Variants in PPP1R9A observed in about 807,000 individuals in gnomAD.
PPP1R9A encodes the protein neurabin-1.
PPP1R9A carries 59 observed loss-of-function variants against 141.9 expected under a neutral mutation model. That is an observed-to-expected ratio of 0.42 (90% CI 0.34 to 0.52). PPP1R9A has a LOEUF of 0.52. PPP1R9A is among the 20% of genes least tolerant of loss of function. PPP1R9A has a pLI of 0.10. For missense variants in PPP1R9A, 1,444 were observed against 1,611.9 expected (o/e 0.90, Z 1.78); for synonymous variants, 500 against 569.7 (o/e 0.88, Z 1.74).
intron 5 of PPP1R9A, among the ~76,000 whole-genome samples, chr7:95,194,752 A>G (rs1179800466): frequency 6.6e-6 from 1 of 151,912 alleles, no homozygotes; most frequent in East Asian, 1.9e-4. Flanking sequence ...ACTTAGAGGT[A>G]AATTTAACAA....
At chr7:95,181,845 A>C (rs1049068946) in intron 5 of PPP1R9A, among the ~76,000 whole-genome samples, 5 of 148,892 alleles carry the variant, frequency 3.4e-5, no homozygotes, top group African/African-American at 1.2e-4. Context: ...AATACTACTC[A>C]ACCATATAAA....
chr7:95,256,772 G>C (rs1425258526), intron 12 of PPP1R9A, among the ~76,000 whole-genome samples: 1 of 151,926 alleles, frequency 6.6e-6, no homozygotes, highest in African/African-American at 2.4e-5. Context: ...GAATTAACAG[G>C]GTAGATGGAT....
At chr7:95,122,786 A>C (rs1420273050) in intron 4 of PPP1R9A, among the ~76,000 whole-genome samples, 1 of 152,182 alleles carries the variant, frequency 6.6e-6, no homozygotes, top group African/African-American at 2.4e-5. Flanking sequence ...TGCCCCTTTA[A>C]TAAATTATAT....
At chr7:95,247,722 C>A (rs1050872393) in intron 9 of PPP1R9A, among the ~76,000 whole-genome samples, 196 bp downstream of exon 9, 1 of 151,976 alleles carries the variant, frequency 6.6e-6, no homozygotes, top group Admixed American at 6.6e-5. Flanking sequence ...GTGCAAATAA[C>A]ACAATATTTT....
chr7:94,980,182 T>TAAAA (rs71292968), intron 2 of PPP1R9A, among the ~76,000 whole-genome samples: 3 of 126,160 alleles, frequency 2.4e-5, no homozygotes, highest in African/African-American at 8.9e-5. Flanking sequence ...GCTGATGAGC[T>TAAAA]AAAAAAAAAA....
chr7:95,225,440 C>T (rs766565602), intron 7 of PPP1R9A, among the ~76,000 whole-genome samples: 5 of 152,142 alleles, frequency 3.3e-5, no homozygotes, highest in Non-Finnish European at 7.4e-5. Flanking sequence ...TTCTTTAGCT[C>T]ACTAGTTCAC....
chr7:95,043,523 G>A lies in PPP1R9A; in HGVS notation c.1396-67736G>A, dbSNP rs147730427. Among the ~76,000 whole-genome samples, 122 of 152,210 alleles carry A rather than the reference G, an allele frequency of 8.0e-4. 1 individual carries two copies. Among genetic ancestry groups the A allele is most frequent in the Non-Finnish European group, 1.3e-3 (90 of 68,004 alleles). ...AGATGGCTAATCACAAACAACACAA[G>A]GGCACAGTGATCTCGACCTACTTCT... On this transcript the variant is annotated intron_variant, in intron 2 of 19. Coordinates refer to ENST00000433360, the MANE Select transcript of PPP1R9A (RefSeq NM_001166160.2).
chr7:95,198,451 G>C lies in PPP1R9A; in HGVS notation c.1857G>C (p.Gln619His). The C allele has an allele frequency of 6.2e-7, 1 of 1,611,234 alleles. No individual in the cohort carries two copies. Among genetic ancestry groups the C allele is most frequent in the Non-Finnish European group, 8.5e-7 (1 of 1,179,054 alleles). Residue 619 changes from glutamine (Q) to histidine (H), a missense_variant, in exon 6 of 20, where the codon CAG becomes CAC. This residue lies in a region of PPP1R9A where 488 missense variants were observed against 542.0 expected (regional missense o/e 0.90). Transcript: ENST00000433360. ...GGCGCCAGAGAGAGCTGCTGGAACA[G>C]CACTATGCCCAGTATGATGCCGACG... ...QERRQRELLE[Q>H]HYAQYDADDD...
At chr7:95,200,499 T>C (rs141895697) in intron 6 of PPP1R9A, among the ~76,000 whole-genome samples, 239 of 152,148 alleles carry the variant, frequency 1.6e-3, no homozygotes, top group African/African-American at 4.4e-3. Flanking sequence ...AGGCCTGTCT[T>C]GAACTCCTGG....
chr7:95,267,261 C>A (rs1426864036), intron 12 of PPP1R9A, among the ~76,000 whole-genome samples: 3 of 152,004 alleles, frequency 2.0e-5, no homozygotes, highest in African/African-American at 7.2e-5. Context: ...AAGGAATTGC[C>A]TGAGCTAATA....
chr7:95,111,848 G>A (rs370961257), intron 3 of PPP1R9A, among the ~76,000 whole-genome samples: 1 of 152,102 alleles, frequency 6.6e-6, no homozygotes, highest in Non-Finnish European at 1.5e-5. Context: ...GAGGGGAGAA[G>A]GTTGAAAGAG....
At chr7:95,203,019 C>T (rs558049544) in intron 6 of PPP1R9A, among the ~76,000 whole-genome samples, 18 of 152,126 alleles carry the variant, frequency 1.2e-4, no homozygotes, top group Non-Finnish European at 1.5e-5. Context: ...TCTCCTTAGG[C>T]AGTAGTTCAT....
At chr7:95,131,457 TG>T (rs750075436) in intron 4 of PPP1R9A, among the ~76,000 whole-genome samples, 1 of 152,204 alleles carries the variant, frequency 6.6e-6, no homozygotes, top group Non-Finnish European at 1.5e-5. Context: ...GCATTATTTC[TG>T]GGTTCTCTAT....
rs1045924252 is a variant in PPP1R9A, at chr7:95,172,918, A to AT, written c.1754+10956dup. ...AGACCTGCGCAGATATGAAGAATTG[A>AT]TTTTTTTTTATAAAGGTACCAAGGT... On this transcript the variant is annotated intron_variant, in intron 5 of 19. Transcript: ENST00000433360. Among the ~76,000 whole-genome samples, 733 of 151,356 alleles carry AT rather than the reference A, an allele frequency of 4.8e-3. 5 individuals are homozygous for AT. Among genetic ancestry groups the AT allele is most frequent in the African/African-American group, 0.016 (664 of 41,334 alleles).
intron 2 of PPP1R9A, among the ~76,000 whole-genome samples, chr7:94,927,555 A>G (rs140194924): frequency 1.2e-3 from 186 of 152,330 alleles, no homozygotes; most frequent in Middle Eastern, 3.4e-3. Context: ...TGGTTATGCT[A>G]CAGCTATTTA....
chr7:95,289,570 A>G (rs1806017793), intron 19 of PPP1R9A, among the ~76,000 whole-genome samples: 1 of 152,200 alleles, frequency 6.6e-6, no homozygotes, highest in Non-Finnish European at 1.5e-5. Context: ...AACTTCCTTT[A>G]TAGGTCTGCC....
chr7:95,103,532 TA>T (rs957796878), intron 2 of PPP1R9A, among the ~76,000 whole-genome samples: 1 of 151,886 alleles, frequency 6.6e-6, no homozygotes, highest in Non-Finnish European at 1.5e-5. Context: ...CACGCCCAGC[TA>T]ATTTTTTTGT....
At chr7:95,189,231 C>T (rs1368488263) in intron 5 of PPP1R9A, among the ~76,000 whole-genome samples, 1 of 152,022 alleles carries the variant, frequency 6.6e-6, no homozygotes, top group East Asian at 1.9e-4. Context: ...CCTCGCAGCT[C>T]TTAAGATTCT....
At chr7:95,273,741 T>A (rs1192031526) in intron 14 of PPP1R9A, among the ~76,000 whole-genome samples, 158 bp from the exon 15 acceptor site, 1 of 152,262 alleles carries the variant, frequency 6.6e-6, no homozygotes, top group East Asian at 1.9e-4. Context: ...AGTTCCTCAA[T>A]GTAACTGTGT....
Sources: allele counts gnomAD v4.1 joint callset (sites outside exome capture counted in the v4.1 genomes callset), GRCh38; gene constraint gnomAD v4.1.1; regional missense constraint gnomAD v4.1.1; transcripts MANE v1.5; gene names NCBI Gene and HGNC (gene_info 2026-07-23, HGNC 2026-07-21).